Variants in IKBKB observed in about 807,000 individuals in gnomAD.
IKBKB encodes the protein inhibitor of nuclear factor kappa B kinase subunit beta.
IKBKB carries 42 observed loss-of-function variants against 113.6 expected under a neutral mutation model. That is an observed-to-expected ratio of 0.37 (90% CI 0.29 to 0.48). IKBKB has a LOEUF of 0.48. Among genes scored for constraint, IKBKB ranks in the 20% least tolerant of loss-of-function variants. The pLI, the probability that IKBKB is intolerant of heterozygous loss-of-function variation, is 0.99. For missense variants in IKBKB, 673 were observed against 939.7 expected (o/e 0.72, Z 3.71); for synonymous variants, 296 against 361.3 (o/e 0.82, Z 2.05).
intron 2 of IKBKB, among the ~76,000 whole-genome samples, chr8:42,273,423 T>A (rs201837990): frequency 4.1e-5 from 4 of 98,036 alleles, no homozygotes; most frequent in African/African-American, 2.3e-4. Flanking sequence ...TCAAAAAATA[T>A]ATATATATAT....
In IKBKB at chr8:42,320,845, G is replaced by A; in HGVS notation, c.1688+1G>A. On this transcript the variant is annotated splice_donor_variant, in intron 16 of 21. Coordinates refer to ENST00000520810, the MANE Select transcript of IKBKB (RefSeq NM_001556.3). LOFTEE classifies it high-confidence loss of function. Reference sequence around the variant, plus strand: ...AGCAGGGGGGAACGCTGGACGACCTGTGAGTACTGGCTGGGGGGCCCCTCT... The same window carrying A: ...AGCAGGGGGGAACGCTGGACGACCTATGAGTACTGGCTGGGGGGCCCCTCT... The A allele has an allele frequency of 3.8e-6, 6 of 1,576,952 alleles. No homozygotes were observed. Among genetic ancestry groups the A allele is most frequent in the Non-Finnish European group, 4.3e-6 (5 of 1,160,214 alleles).
intron 4 of IKBKB, among the ~76,000 whole-genome samples, chr8:42,291,525 C>A (rs74303401): frequency 6.6e-6 from 1 of 152,194 alleles, no homozygotes; most frequent in Non-Finnish European, 1.5e-5. Flanking sequence ...GGTTGCTCTG[C>A]GAGTGCACCT....
At chr8:42,308,161 A>T (rs868081954) in intron 7 of IKBKB, among the ~76,000 whole-genome samples, 3 of 152,010 alleles carry the variant, frequency 2.0e-5, no homozygotes, top group Non-Finnish European at 2.9e-5. Context: ...ACAGCCTGGC[A>T]TCATTTTCCT....
chr8:42,322,619 C>T (rs929272622), intron 19 of IKBKB, 125 bp downstream of exon 19: 3 of 946,612 alleles, frequency 3.2e-6, no homozygotes, highest in African/African-American at 1.6e-5. Context: ...AGCTGCTGCT[C>T]GGGCTTCACG....
intron 8 of IKBKB, among the ~76,000 whole-genome samples, chr8:42,312,724 C>T (rs1320104849): frequency 6.6e-6 from 1 of 152,222 alleles, no homozygotes; most frequent in Non-Finnish European, 1.5e-5. Context: ...TTAGAGCTGT[C>T]AGAGTTTCAG....
In IKBKB at chr8:42,278,128, G is replaced by A. The variant is rs1241990196; in HGVS notation, c.105+5923G>A. 1.1e-4 allele frequency among the ~76,000 whole-genome samples: 16 copies of A among 152,178 alleles called. 1 individual carries two copies. Among genetic ancestry groups the A allele is most frequent in the Admixed American group, 1.0e-3 (16 of 15,272 alleles). On this transcript the variant is annotated intron_variant, in intron 2 of 21. Coordinates refer to ENST00000520810, the MANE Select transcript of IKBKB (RefSeq NM_001556.3). ...CCCAAGGAAGTGACACTTGAACTGA[G>A]GCCCTAGTAGAAGTCAGCTTGACAG...
chr8:42,279,759 G>A (rs368309663), intron 2 of IKBKB, among the ~76,000 whole-genome samples: 1 of 150,476 alleles, frequency 6.6e-6, no homozygotes, highest in Non-Finnish European at 1.5e-5. Flanking sequence ...GAGGACTCAG[G>A]GGGAGGCCTT....
intron 19 of IKBKB, chr8:42,325,219 AC>A (rs1398861284): frequency 5.1e-6 from 5 of 984,518 alleles, no homozygotes; most frequent in Non-Finnish European, 6.0e-6. Context: ...CCCCTGCTTG[AC>A]CCTTCGGGCT....
At chr8:42,302,282 C>A (rs1412004887) in intron 5 of IKBKB, among the ~76,000 whole-genome samples, 1 of 152,166 alleles carries the variant, frequency 6.6e-6, no homozygotes, top group African/African-American at 2.4e-5. Flanking sequence ...GAAACATTAA[C>A]ACAATTGAGA....
At chr8:42,289,148 G>C (rs1414879941) in intron 3 of IKBKB, among the ~76,000 whole-genome samples, 1 of 152,172 alleles carries the variant, frequency 6.6e-6, no homozygotes, top group African/African-American at 2.4e-5. Flanking sequence ...CCAGGAGGCG[G>C]AGCTTGCAGT....
intron 2 of IKBKB, chr8:42,272,449 T>TTA (rs1315576205): frequency 4.8e-5 from 29 of 598,542 alleles, no homozygotes; most frequent in Middle Eastern, 3.3e-4. Flanking sequence ...TTAGTCTCTA[T>TTA]TATATATATA....
chr8:42,279,226 T>C (rs184414211), intron 2 of IKBKB, among the ~76,000 whole-genome samples: 16 of 152,328 alleles, frequency 1.1e-4, no homozygotes, highest in African/African-American at 3.8e-4. Flanking sequence ...CTTTGATCAT[T>C]GTCCAAGTTC....
At chr8:42,327,637 T>TC (rs1161812645) in intron 20 of IKBKB, among the ~76,000 whole-genome samples, 1 of 149,532 alleles carries the variant, frequency 6.7e-6, no homozygotes, top group East Asian at 2.0e-4. Flanking sequence ...CCAGCCTTTT[T>TC]TTTTTTTTTT....
chr8:42,329,408 C>T (rs546464469), intron 21 of IKBKB, 194 bp downstream of exon 21: 143 of 992,454 alleles, frequency 1.4e-4, no homozygotes, highest in Non-Finnish European at 1.7e-4. Flanking sequence ...CTGCAACCTC[C>T]GCTTCCCGGG....
chr8:42,273,996 T>TAGG (rs1808378271), intron 2 of IKBKB, among the ~76,000 whole-genome samples: 1 of 152,164 alleles, frequency 6.6e-6, no homozygotes, highest in Non-Finnish European at 1.5e-5. Flanking sequence ...TTGGAAACAG[T>TAGG]CAAAATTCTT....
chr8:42,322,325 T>C (rs1026175173), intron 18 of IKBKB, 22 bp from the exon 19 acceptor site: 2 of 1,613,594 alleles, frequency 1.2e-6, no homozygotes, highest in Non-Finnish European at 1.7e-6. Context: ...TGCCATTAGT[T>C]TGCCATGTTT....
rs140200494 is a variant in IKBKB at position 42,316,325 on chromosome 8, A to G, written c.916A>G (p.Ile306Val). The change falls in exon 10 of 22, where the codon ATC (isoleucine) becomes GTC (valine). Residue 306 changes from isoleucine to valine, a missense_variant. By Grantham distance (29) the Ile-to-Val change is conservative. Transcript: ENST00000520810. This position sits in a 1 kb window ranked among gnomAD's most constrained non-coding sequence, Gnocchi z 4.5. ...TGGCTGCTTCAAGGCCCTGGATGAC[A>G]TCTTAAACTTAAAGGTGAGTGTGGA... ...PNGCFKALDD[I>V]LNLKLVHILN... 9.9e-6 allele frequency: 16 copies of G among 1,614,184 alleles called. No individual in the cohort carries two copies. In the African/African-American group the frequency reaches 2.0e-4, roughly 20 times the overall value.
intron 11 of IKBKB, 135 bp from the exon 12 acceptor site, chr8:42,317,522 A>C: frequency 1.5e-6 from 1 of 665,388 alleles, no homozygotes; most frequent in African/African-American, 1.8e-5. Flanking sequence ...TAAACACTTC[A>C]TGGATGCTTC....
At chr8:42,323,722 C>T (rs530552430) in intron 19 of IKBKB, among the ~76,000 whole-genome samples, 1 of 151,962 alleles carries the variant, frequency 6.6e-6, no homozygotes, top group Non-Finnish European at 1.5e-5. Flanking sequence ...GCCTTGGGAG[C>T]GTGATTGACA....
Sources: allele counts gnomAD v4.1 joint callset (sites outside exome capture counted in the v4.1 genomes callset), GRCh38; gene constraint gnomAD v4.1.1; non-coding constraint Gnocchi (gnomAD v3.1); transcripts MANE v1.5; gene names NCBI Gene and HGNC (gene_info 2026-07-23, HGNC 2026-07-21).